The following ANKRD30B variants were observed in gnomAD, a reference collection of about 807,000 sequenced individuals.
ANKRD30B encodes the protein ankyrin repeat domain 30B, also known as ankyrin repeat domain-containing protein 30B.
A neutral mutation model predicts 202.2 loss-of-function variants in ANKRD30B; 144 were observed. That is an observed-to-expected ratio of 0.71 (90% CI 0.62 to 0.82). ANKRD30B has a LOEUF of 0.82. Ranked by LOEUF, ANKRD30B falls within the 40% of genes least tolerant of loss-of-function variation. The pLI, the probability that ANKRD30B is intolerant of heterozygous loss-of-function variation, is 0.00. For synonymous variants in ANKRD30B, 508 were observed against 561.3 expected (o/e 0.91, Z 1.34); for missense variants, 1,487 against 1,669.1 (o/e 0.89, Z 1.90).
At chr18:14,750,281 G>T (rs1237481968) in intron 1 of ANKRD30B, among the ~76,000 whole-genome samples, 1 of 152,104 alleles carries the variant, frequency 6.6e-6, no homozygotes, top group Non-Finnish European at 1.5e-5. Flanking sequence ...TTAAGTTAGA[G>T]ATCTAAATTG....
chr18:14,749,882 A>G (rs551335860), intron 1 of ANKRD30B, among the ~76,000 whole-genome samples: 71 of 152,010 alleles, frequency 4.7e-4, no homozygotes, highest in African/African-American at 1.6e-3. Flanking sequence ...TTAGGAAAAG[A>G]ATTAGTTTCA....
intron 5 of ANKRD30B, among the ~76,000 whole-genome samples, chr18:14,758,900 A>G (rs552767261): frequency 1.1e-4 from 17 of 152,296 alleles, no homozygotes; most frequent in Non-Finnish European, 2.1e-4. Flanking sequence ...GCACCATTTT[A>G]TAGGTAGTGG....
At chr18:14,803,608 C>G in intron 23 of ANKRD30B, 126 bp from the exon 24 acceptor site, 1 of 1,231,450 alleles carries the variant, frequency 8.1e-7, no homozygotes, top group Non-Finnish European at 1.2e-6. Context: ...CATGTCTGCT[C>G]TTAAGTCGAA....
chr18:14,866,006 C>T, the ANKRD30B span, among the ~76,000 whole-genome samples: 1 of 152,142 alleles, frequency 6.6e-6, no homozygotes, highest in Admixed American at 6.5e-5. Context: ...TCTGATTGGA[C>T]TTTGTTATCA....
the ANKRD30B span, among the ~76,000 whole-genome samples, chr18:14,936,702 A>G: frequency 1.3e-4 from 20 of 152,138 alleles, no homozygotes; most frequent in Admixed American, 1.3e-3. Flanking sequence ...TCTTTCCTCA[A>G]TCAACGTTCT....
the ANKRD30B span, among the ~76,000 whole-genome samples, chr18:14,932,917 T>C: frequency 6.6e-6 from 1 of 152,216 alleles, no homozygotes; most frequent in South Asian, 2.1e-4. Flanking sequence ...CATTATTCAA[T>C]CAACCAACAG....
At chr18:14,808,314 TTGAC>T (rs1969659645) in intron 24 of ANKRD30B, 1 of 529,884 alleles carries the variant, frequency 1.9e-6, no homozygotes, top group East Asian at 4.2e-5. Flanking sequence ...GAAATATATT[TTGAC>T]TGTTGAAATC....
chr18:14,848,871 A>G lies in ANKRD30B; in HGVS notation c.3337A>G (p.Ile1113Val). ...LQKELSEAKEIKSQLENQKAK... is the reference protein window; with the variant it reads ...LQKELSEAKEVKSQLENQKAK... ...AAAGGAACTGTCAGAAGCGAAAGAA[A>G]TAAAATCACAGTTAGAGAACCAAAA... Residue 1113 changes from isoleucine (I) to valine (V), a missense_variant, in exon 40 of 44, where the codon ATA becomes GTA. Physicochemically the swap from Ile to Val is conservative, Grantham distance 29. Transcript: ENST00000690538. 2 of 1,603,216 alleles carry G rather than the reference A, an allele frequency of 1.2e-6. No individual in the cohort carries two copies. Among genetic ancestry groups the G allele is most frequent in the Middle Eastern group, 1.7e-4 (1 of 6,002 alleles).
At chr18:14,765,449 C>T (rs1423923951) in intron 7 of ANKRD30B, among the ~76,000 whole-genome samples, 1 of 142,918 alleles carries the variant, frequency 7.0e-6, no homozygotes, top group African/African-American at 2.7e-5. Flanking sequence ...GGTGACAGAG[C>T]AACACTCCAT....
At chr18:14,827,542 T>A (rs1169242068) in intron 32 of ANKRD30B, among the ~76,000 whole-genome samples, 1 of 152,142 alleles carries the variant, frequency 6.6e-6, no homozygotes. Context: ...ATTCATTGCT[T>A]ATTTGTTGGT....
At chr18:14,771,155 A>G (rs946326835) in intron 8 of ANKRD30B, among the ~76,000 whole-genome samples, 4 of 152,302 alleles carry the variant, frequency 2.6e-5, no homozygotes, top group African/African-American at 9.6e-5. Context: ...ACAGGTGAAT[A>G]CAGAACTTCT....
At chr18:14,898,014 C>T in the ANKRD30B span, among the ~76,000 whole-genome samples, 2 of 152,144 alleles carry the variant, frequency 1.3e-5, no homozygotes, top group African/African-American at 4.8e-5. Flanking sequence ...TCCTAATTCT[C>T]ATGTTTCACT....
the ANKRD30B span, among the ~76,000 whole-genome samples, chr18:14,872,707 C>T: frequency 6.6e-6 from 1 of 152,034 alleles, no homozygotes; most frequent in African/African-American, 2.4e-5. Context: ...CTTAATGCTC[C>T]CCACACATGG....
At chr18:14,787,648 G>C (rs1237179920) in intron 15 of ANKRD30B, among the ~76,000 whole-genome samples, 1 of 152,170 alleles carries the variant, frequency 6.6e-6, no homozygotes, top group African/African-American at 2.4e-5. Flanking sequence ...AATAACAAGA[G>C]TATTGGTTGA....
the ANKRD30B span, among the ~76,000 whole-genome samples, chr18:14,870,581 T>G: frequency 6.6e-6 from 1 of 152,098 alleles, no homozygotes; most frequent in Non-Finnish European, 1.5e-5. Flanking sequence ...GTCCTGGTCT[T>G]GGGGGTCTCA....
chr18:14,901,625 G>A, the ANKRD30B span, among the ~76,000 whole-genome samples: 2 of 150,030 alleles, frequency 1.3e-5, no homozygotes, highest in African/African-American at 4.9e-5. Context: ...ATATTGTTGT[G>A]AGCAAAATGG....
intron 34 of ANKRD30B, among the ~76,000 whole-genome samples, chr18:14,836,585 T>C (rs1469832369): frequency 2.6e-5 from 4 of 152,332 alleles, no homozygotes; most frequent in Middle Eastern, 3.4e-3. Context: ...AAGTCACCTT[T>C]CTAAAATATA....
In ANKRD30B at chr18:14,752,903, A is replaced by G. The variant is rs887350971; in HGVS notation, c.401A>G (p.Tyr134Cys). ...ATAGATGCTGGTGCTGATCTAAATT[A>G]TGTAGATGTGTATGGCAACACGGCT... ...ILIDAGADLN[Y>C]VDVYGNTALH... The change falls in exon 3 of 44, where the codon TAT (tyrosine) becomes TGT (cysteine). Residue 134 changes from tyrosine to cysteine, a missense_variant. Physicochemically the swap from Tyr to Cys is radical, Grantham distance 194 (BLOSUM62 -2). This residue lies in a region of ANKRD30B where 889 missense variants were observed against 841.4 expected (regional missense o/e 1.06). Coordinates refer to ENST00000690538, the MANE Select transcript of ANKRD30B (RefSeq NM_001367607.2). The G allele has an allele frequency of 1.9e-6, 3 of 1,606,608 alleles. No individual in the cohort carries two copies. Among genetic ancestry groups the G allele is most frequent in the Non-Finnish European group, 1.7e-6 (2 of 1,175,974 alleles).
At chr18:14,825,128 C>T (rs1410618111) in intron 32 of ANKRD30B, 2 of 152,206 alleles carry the variant, frequency 1.3e-5, no homozygotes, top group East Asian at 3.9e-4. Flanking sequence ...CCTGGAAATC[C>T]TGAGCAGGCA....
Sources: allele counts gnomAD v4.1 joint callset (sites outside exome capture counted in the v4.1 genomes callset), GRCh38; gene constraint gnomAD v4.1.1; regional missense constraint gnomAD v4.1.1; transcripts MANE v1.5; gene names NCBI Gene and HGNC (gene_info 2026-07-23, HGNC 2026-07-21).